BOK: variants seen among roughly 807,000 people sequenced by gnomAD.
BOK encodes BCL2 family apoptosis regulator BOK, also known as bcl-2-related ovarian killer protein.
BOK carries 20 observed loss-of-function variants against 18.3 expected under a neutral mutation model. That is an observed-to-expected ratio of 1.09 (90% CI 0.77 to 1.59). The LOEUF (loss-of-function observed/expected upper bound fraction) is 1.59, where lower values mean the gene tolerates loss of function less well. Ranked by LOEUF, BOK falls within the 40% of genes most tolerant of loss-of-function variation. The pLI is 0.00. For missense variants in BOK, 348 were observed against 307.9 expected (o/e 1.13, Z -0.97); for synonymous variants, 173 against 142.4 (o/e 1.21, Z -1.53).
chr2:241,551,580 C>T lies in BOK; in HGVS notation n.54+103C>T, dbSNP rs116563536. 7.2e-3 allele frequency: 1,085 copies of T among 151,556 alleles called. 27 individuals carry two copies. Among genetic ancestry groups the T allele is most frequent in the Middle Eastern group, 0.024 (7 of 292 alleles). The allele number at this position is 151,556 out of a possible 1,614,324, so 9.4% of individuals were successfully genotyped here. A position where few individuals can be genotyped will look rare whatever the true frequency, so the allele number is the denominator to read the frequency against. On this transcript the variant is annotated intron_variant and non_coding_transcript_variant, in intron 1 of 1. Transcript: ENST00000641230. ...GTTTAGAATAAGCTGGTCTCACTGC[C>T]GCAGATGACTTGGGGGGACCCACTA...
At chr2:241,567,920 C>G (rs1004664299) in intron 3 of BOK, among the ~76,000 whole-genome samples, 1 of 151,986 alleles carries the variant, frequency 6.6e-6, no homozygotes, top group African/African-American at 2.4e-5. Flanking sequence ...AATGCCTGTG[C>G]CCGTGGCCGC....
rs371703342 is a variant in BOK, at chr2:241,560,259, TCCAAGGTCTGGAC to T, written c.220+562_220+574del. The T allele has an allele frequency of 1.2e-4, 118 of 985,386 alleles. No individual in the cohort carries two copies. The African/African-American group carries it at 1.9e-3, about 16-fold the overall frequency. The allele number at this position is 985,386 out of a possible 1,614,324, so 61.0% of individuals were successfully genotyped here. Reference sequence around the variant, plus strand: ...CGGTCCACTGGCTGCCCCCACCGTCTCCAAGGTCTGGACCCAAGAGGGAGGGACCAGCCCCACT... The same window carrying T: ...CGGTCCACTGGCTGCCCCCACCGTCTCCAAGAGGGAGGGACCAGCCCCACT... On this transcript the variant is annotated intron_variant, in intron 2 of 4. Transcript: ENST00000318407.
intron 3 of BOK, among the ~76,000 whole-genome samples, chr2:241,567,706 G>GACACGGGAAGTCACAGCA (rs1297328549): frequency 7.4e-6 from 1 of 135,288 alleles, no homozygotes; most frequent in Non-Finnish European, 1.6e-5. Flanking sequence ...TACTTTGAAG[G>GACACGGGAAGTCACAGCA]ACACGGGAAG....
chr2:241,555,059 A>G (rs531941707), upstream of BOK, among the ~76,000 whole-genome samples: 1 of 152,262 alleles, frequency 6.6e-6, no homozygotes, highest in East Asian at 1.9e-4. Flanking sequence ...GAGGGCTGGG[A>G]CTGGGCCTCC....
chr2:241,568,837 G>A (rs80345756), intron 3 of BOK, among the ~76,000 whole-genome samples: 2,163 of 152,358 alleles, frequency 0.014, 20 homozygotes, highest in Non-Finnish European at 0.022. Context: ...CTGTGACTGA[G>A]TGTTTGTTTG....
chr2:241,565,681 C>G (rs879293376), intron 3 of BOK, among the ~76,000 whole-genome samples: 1 of 152,216 alleles, frequency 6.6e-6, no homozygotes, highest in South Asian at 2.1e-4. Context: ...GGGCTGGGGC[C>G]TTGGCTAGTG....
intron 3 of BOK, among the ~76,000 whole-genome samples, chr2:241,568,956 A>AGGGACCACTGCTGACTCCCTCCG (rs540617831): frequency 3.3e-4 from 51 of 152,292 alleles, no homozygotes; most frequent in African/African-American, 1.1e-3. Context: ...AACTCCCTCC[A>AGGGACCACTGCTGACTCCCTCCG]GGGACCACTG....
At chr2:241,565,115 A>G (rs1052803915) in intron 3 of BOK, among the ~76,000 whole-genome samples, 5 of 152,224 alleles carry the variant, frequency 3.3e-5, no homozygotes, top group African/African-American at 1.2e-4. Flanking sequence ...GGCCCGGGCT[A>G]TGTGTAGAGT....
intron 1 of BOK, among the ~76,000 whole-genome samples, chr2:241,551,628 A>C (rs2066414798): frequency 6.6e-6 from 1 of 152,186 alleles, no homozygotes; most frequent in Non-Finnish European, 1.5e-5. Context: ...GCACAATAGC[A>C]GCAGCCCCTG....
chr2:241,571,355 C>T (rs1314890761), intron 4 of BOK, among the ~76,000 whole-genome samples: 3 of 152,168 alleles, frequency 2.0e-5, no homozygotes, highest in Non-Finnish European at 2.9e-5. Flanking sequence ...GGCTCCCCTG[C>T]CGAGAGTCTA....
At chr2:241,560,142 G>A in intron 2 of BOK, 2 of 985,356 alleles carry the variant, frequency 2.0e-6, no homozygotes, top group Non-Finnish European at 2.4e-6. Flanking sequence ...CCCCCCCATT[G>A]GAAACTGCGC....
chr2:241,551,671 G>T (rs1224395512), intron 1 of BOK, among the ~76,000 whole-genome samples: 1 of 152,052 alleles, frequency 6.6e-6, no homozygotes, highest in Non-Finnish European at 1.5e-5. Context: ...GCTCACCACA[G>T]CCCATCTGCC....
At chr2:241,560,579 A>G (rs992834330) in intron 2 of BOK, among the ~76,000 whole-genome samples, 1 of 152,204 alleles carries the variant, frequency 6.6e-6, no homozygotes, top group Non-Finnish European at 1.5e-5. Context: ...AAAGCTGTGT[A>G]GACCTGGCCT....
At position 241,552,096 on chromosome 2, in the gene BOK, G is replaced by T. The variant is rs1455925852; in HGVS notation, n.54+619G>T. Among the ~76,000 whole-genome samples the T allele has an allele frequency of 3.3e-5, 5 of 152,328 alleles. No homozygotes were observed. In the South Asian group the frequency reaches 8.3e-4, roughly 25 times the overall value. Reference sequence around the variant, plus strand: ...GGGGCTGTCCGGAAGGAGGTGGCGCGGCTGGGACGGGGTGGCAATGGCGAA... The same window carrying T: ...GGGGCTGTCCGGAAGGAGGTGGCGCTGCTGGGACGGGGTGGCAATGGCGAA... On this transcript the variant is annotated intron_variant and non_coding_transcript_variant, in intron 1 of 1. Coordinates refer to the BOK transcript ENST00000641230.
At chr2:241,551,984 A>G (rs1478998282) in intron 1 of BOK, among the ~76,000 whole-genome samples, 2 of 152,208 alleles carry the variant, frequency 1.3e-5, no homozygotes, top group Non-Finnish European at 2.9e-5. Flanking sequence ...TGGGGGAAGA[A>G]TGTTCCAGGA....
intron 3 of BOK, among the ~76,000 whole-genome samples, chr2:241,567,887 T>A (rs576794239): frequency 1.3e-5 from 1 of 77,480 alleles, no homozygotes; most frequent in Non-Finnish European, 2.6e-5. Context: ...GCTACTAGTC[T>A]CAGGAGGTCT....
chr2:241,559,254 G>C (rs2066485497), intron 1 of BOK, among the ~76,000 whole-genome samples: 1 of 151,752 alleles, frequency 6.6e-6, no homozygotes, highest in African/African-American at 2.4e-5. Flanking sequence ...CCGGTCCCTG[G>C]CAGCCTCGGG....
At chr2:241,556,515 C>CA (rs2066451216), upstream of BOK, among the ~76,000 whole-genome samples, 2 of 88,048 alleles carry the variant, frequency 2.3e-5, no homozygotes, top group Admixed American at 1.8e-4. Context: ...GCCCAGGAGG[C>CA]GGGGTTGCAG....
At chr2:241,561,082 C>G (rs527930255) in intron 2 of BOK, among the ~76,000 whole-genome samples, 1 of 152,364 alleles carries the variant, frequency 6.6e-6, no homozygotes, top group South Asian at 2.1e-4. Context: ...CCCCCGCCCC[C>G]AGCCAGCCTC....
Sources: gnomAD v4.1 joint callset for allele counts (sites outside exome capture counted in the v4.1 genomes callset) on GRCh38, gnomAD v4.1.1 for gene constraint, MANE v1.5 for transcripts, NCBI Gene and HGNC (gene_info 2026-07-23, HGNC 2026-07-21) for gene names.